RIT2: variants seen among roughly 807,000 people sequenced by gnomAD.
RIT2 encodes Ras like without CAAX 2.
RIT2 carries 24 observed loss-of-function variants against 23.7 expected under a neutral mutation model. The observed-to-expected ratio is 1.01, with a 90% CI of 0.73 to 1.43. RIT2 has a LOEUF of 1.43. RIT2 is among the 40% of genes most tolerant of loss of function. The pLI is 0.00. For missense variants in RIT2, 236 were observed against 266.9 expected (o/e 0.88, Z 0.81); for synonymous variants, 107 against 91.1 (o/e 1.17, Z -0.99).
chr18:42,920,595 C>A, intron 4 of RIT2: 2 of 715,728 alleles, frequency 2.8e-6, no homozygotes, highest in South Asian at 1.7e-5. Flanking sequence ...ACACATAATA[C>A]ACTAAAACTC....
Position 42,834,697 on chromosome 18 carries a change from T to C in RIT2, c.426+88875A>G, listed in dbSNP as rs139539171. Among the ~76,000 whole-genome samples the C allele has an allele frequency of 6.4e-3, 970 of 152,276 alleles. 4 individuals are homozygous for C. The highest frequency in any genetic ancestry group is 0.024 in the Middle Eastern group (7 of 294). ...TGAATTAGAATTACATGAATAAATG[T>C]TTTAAAACAGTTGAAAAATATTTAA... On this transcript the variant is annotated intron_variant, in intron 4 of 4. Coordinates refer to ENST00000326695, the MANE Select transcript of RIT2 (RefSeq NM_002930.4).
At chr18:42,949,405 A>C (rs1216287180) in intron 3 of RIT2, among the ~76,000 whole-genome samples, 1 of 152,160 alleles carries the variant, frequency 6.6e-6, no homozygotes, top group Non-Finnish European at 1.5e-5. Context: ...AAAGGTTTTC[A>C]AATGAAAAAA....
intron 3 of RIT2, among the ~76,000 whole-genome samples, chr18:42,965,893 A>T (rs537096060): frequency 6.6e-6 from 1 of 151,914 alleles, no homozygotes; most frequent in South Asian, 2.1e-4. Flanking sequence ...AGTCCTACTC[A>T]CCTTCACAGA....
intron 4 of RIT2, among the ~76,000 whole-genome samples, chr18:42,909,481 C>T (rs1908711493): frequency 6.6e-6 from 1 of 151,950 alleles, no homozygotes; most frequent in African/African-American, 2.4e-5. Flanking sequence ...ATTTAAAAAC[C>T]CTCCAGTTTT....
intron 2 of RIT2, among the ~76,000 whole-genome samples, chr18:42,998,108 CT>C (rs913912972): frequency 6.6e-6 from 1 of 152,074 alleles, no homozygotes; most frequent in Admixed American, 6.6e-5. Context: ...ACACACAGGA[CT>C]TTTTTGTGTT....
intron 3 of RIT2, among the ~76,000 whole-genome samples, chr18:42,955,023 A>G (rs1326212301): frequency 6.6e-6 from 1 of 152,166 alleles, no homozygotes; most frequent in African/African-American, 2.4e-5. Context: ...AGGAGGACAC[A>G]CTGGTGTCTC....
chr18:42,871,908 G>A (rs746725516), intron 4 of RIT2, among the ~76,000 whole-genome samples: 8 of 152,188 alleles, frequency 5.3e-5, no homozygotes, highest in South Asian at 4.1e-4. Context: ...GGTAGGGAGT[G>A]TGTACAAATG....
chr18:42,907,518 C>A (rs892836337), intron 4 of RIT2, among the ~76,000 whole-genome samples: 1 of 151,978 alleles, frequency 6.6e-6, no homozygotes, highest in Admixed American at 6.6e-5. Context: ...CAACTTCCTG[C>A]CAAAACAGAA....
At chr18:42,957,747 G>C (rs370228600) in intron 3 of RIT2, among the ~76,000 whole-genome samples, 1 of 152,202 alleles carries the variant, frequency 6.6e-6, no homozygotes, top group Non-Finnish European at 1.5e-5. Context: ...TTGCACCACT[G>C]CACTCCAGCC....
At chr18:42,939,521 C>T (rs1310317396) in intron 3 of RIT2, among the ~76,000 whole-genome samples, 1 of 152,070 alleles carries the variant, frequency 6.6e-6, no homozygotes, top group Non-Finnish European at 1.5e-5. Context: ...AAGCCTAAAG[C>T]CACAGATAAT....
In RIT2 at chr18:42,778,033, G is replaced by A. The variant is rs1020359369; in HGVS notation, c.427-34313C>T. Among the ~76,000 whole-genome samples the A allele has an allele frequency of 7.2e-5, 11 of 152,106 alleles. No homozygotes were observed. The East Asian group carries it at 2.1e-3, about 29-fold the overall frequency. On this transcript the variant is annotated intron_variant, in intron 4 of 4. Transcript: ENST00000326695. ...GGTTTTCAGGAAAACTTTTTTGTGT[G>A]TGTTCTGCCCTACAACTGCCATTTG...
intron 1 of RIT2, among the ~76,000 whole-genome samples, chr18:43,058,845 C>T (rs1912571708): frequency 6.6e-6 from 1 of 152,050 alleles, no homozygotes; most frequent in Non-Finnish European, 1.5e-5. Context: ...GTTGTAATTG[C>T]ACCACTGCAC....
chr18:42,883,810 C>T (rs562483224), intron 4 of RIT2, among the ~76,000 whole-genome samples: 1 of 152,236 alleles, frequency 6.6e-6, no homozygotes, highest in East Asian at 1.9e-4. Flanking sequence ...AAAAATGAGT[C>T]TTGAAGATGA....
chr18:43,003,842 C>T (rs945614044), intron 2 of RIT2, among the ~76,000 whole-genome samples: 10 of 150,126 alleles, frequency 6.7e-5, no homozygotes, highest in African/African-American at 2.4e-4. Context: ...TACCCAGGTT[C>T]TGAAAAATTG....
intron 4 of RIT2, among the ~76,000 whole-genome samples, chr18:42,893,097 G>A (rs985337459): frequency 2.0e-5 from 3 of 151,912 alleles, no homozygotes; most frequent in Non-Finnish European, 2.9e-5. Context: ...ACATGGTGGT[G>A]CGTGCCTGTA....
At chr18:42,876,632 C>T (rs555245324) in intron 4 of RIT2, among the ~76,000 whole-genome samples, 6 of 151,650 alleles carry the variant, frequency 4.0e-5, no homozygotes, top group South Asian at 4.2e-4. Flanking sequence ...AAACACGTTC[C>T]CTGGCAATTT....
chr18:42,768,192 C>T (rs982563820), intron 4 of RIT2, among the ~76,000 whole-genome samples: 10 of 152,084 alleles, frequency 6.6e-5, no homozygotes, highest in Admixed American at 5.9e-4. Flanking sequence ...GATCTAGTTA[C>T]CTTTCTGAAT....
chr18:42,848,949 C>A (rs766517778), intron 4 of RIT2, among the ~76,000 whole-genome samples: 25 of 152,136 alleles, frequency 1.6e-4, no homozygotes, highest in Non-Finnish European at 2.5e-4. Context: ...GGCCTTCTAT[C>A]CACTTGTACT....
chr18:43,115,003 G>A (rs534253194), intron 1 of RIT2, among the ~76,000 whole-genome samples: 1 of 152,102 alleles, frequency 6.6e-6, no homozygotes, highest in Non-Finnish European at 1.5e-5. Flanking sequence ...CCATCATCCC[G>A]AGTATATGTC....
Sources: gnomAD v4.1 joint callset for allele counts (sites outside exome capture counted in the v4.1 genomes callset) on GRCh38, gnomAD v4.1.1 for gene constraint, MANE v1.5 for transcripts, NCBI Gene and HGNC (gene_info 2026-07-23, HGNC 2026-07-21) for gene names.